Variants in CA5B observed in about 807,000 individuals in gnomAD.
CA5B encodes the protein carbonic anhydrase 5B.
In CA5B, 15 loss-of-function variants were observed where a neutral mutation model predicts 23.1. The ratio of observed to expected loss-of-function variants is 0.65; its 90% CI spans 0.43 to 1.00. The LOEUF is 1.00. CA5B is among the 50% of genes least tolerant of loss of function. The probability of loss-of-function intolerance (pLI) is 0.00; values close to 1 mark genes in which losing one functional copy is unlikely to be tolerated. For synonymous variants in CA5B, 84 were observed against 98.5 expected, an observed-to-expected ratio of 0.85 and a Z score of 0.87; for missense variants, 236 against 252.2, an observed-to-expected ratio of 0.94 and a Z score of 0.43.
intron 1 of CA5B, among the ~76,000 whole-genome samples, chrX:15,743,024 T>A (rs1003752932): frequency 3.6e-5 from 4 of 112,398 alleles, no homozygotes; most frequent in Non-Finnish European, 7.5e-5. Flanking sequence ...ACCCTTGCAG[T>A]AGCCCAGAAG....
intron 7 of CA5B, among the ~76,000 whole-genome samples, chrX:15,780,276 C>CGTT (rs200239908): frequency 3.5e-5 from 3 of 86,641 alleles, no homozygotes; most frequent in Non-Finnish European, 6.8e-5. Context: ...ATGCCTGGAA[C>CGTT]ATTTTTTTTT....
chrX:15,755,999 T>C (rs1931479963), intron 2 of CA5B, among the ~76,000 whole-genome samples: 1 of 112,045 alleles, frequency 8.9e-6, no homozygotes, highest in Non-Finnish European at 1.9e-5. Context: ...TACATTTATA[T>C]AGTACATCTC....
intron 1 of CA5B, among the ~76,000 whole-genome samples, chrX:15,747,216 T>C (rs1931253098): frequency 8.9e-6 from 1 of 111,927 alleles, no homozygotes; most frequent in Non-Finnish European, 1.9e-5. Context: ...ATTTCCTCAG[T>C]TATAATTTTG....
intron 1 of CA5B, among the ~76,000 whole-genome samples, chrX:15,744,710 G>A (rs1212864247): frequency 9.0e-6 from 1 of 110,697 alleles, no homozygotes; most frequent in African/African-American, 3.3e-5. Flanking sequence ...TCATCATCGC[G>A]GAAGGTTCCC....
chrX:15,753,824 A>G (rs1013339440), intron 2 of CA5B, among the ~76,000 whole-genome samples: 1 of 112,248 alleles, frequency 8.9e-6, no homozygotes, highest in African/African-American at 3.2e-5. Flanking sequence ...CAAAAGAATC[A>G]CTTGAACCCA....
Position 15,772,552 on chromosome X carries a change from T to TG in CA5B, c.403dup (p.Ala135GlyfsTer8), listed in dbSNP as rs1438511390. Reference sequence around the variant, plus strand: ...CCGATTGAAGCAGTTCCATTTTCACTGGGGGGCCATCGATGCCTGGGGTTC... The same window carrying TG: ...CCGATTGAAGCAGTTCCATTTTCACTGGGGGGGCCATCGATGCCTGGGGTTC... On this transcript the variant is annotated frameshift_variant, in exon 4 of 8. Coordinates refer to ENST00000318636, the MANE Select transcript of CA5B (RefSeq NM_007220.4). LOFTEE classifies it high-confidence loss of function. The TG allele has an allele frequency of 6.6e-6, 8 of 1,207,422 alleles. No homozygotes were observed. Among genetic ancestry groups the TG allele is most frequent in the Admixed American group, 4.4e-5 (2 of 45,592 alleles).
chrX:15,780,499 C>T (rs1932003101), intron 7 of CA5B, among the ~76,000 whole-genome samples: 1 of 110,989 alleles, frequency 9.0e-6, no homozygotes, highest in South Asian at 3.8e-4. Context: ...GTCTCGAACT[C>T]CTGACCTCGT....
intron 1 of CA5B, 43 bp from the exon 2 acceptor site, chrX:15,749,928 T>A: frequency 9.7e-7 from 1 of 1,029,200 alleles, no homozygotes; most frequent in Non-Finnish European, 1.3e-6. Flanking sequence ...ATCTTAAGTT[T>A]CTGTTGTTTA....
At position 15,785,549 on chromosome X, in the gene CA5B, G is replaced by A. The variant is rs969820508; in HGVS notation, c.*2885G>A. ...GGGAGAGGGTGAATTTGTATTTAGT[G>A]GGTACAGAGCTTGTGTTGCAAGAAT... On this transcript the variant is annotated 3_prime_UTR_variant, in exon 8 of 8. Coordinates refer to ENST00000318636, the MANE Select transcript of CA5B (RefSeq NM_007220.4). 17 of 112,290 alleles carry A rather than the reference G, an allele frequency of 1.5e-4. No homozygotes were observed. The highest frequency in any genetic ancestry group is 5.5e-4 in the African/African-American group (17 of 31,009). The allele number at this position is 112,290 out of a possible 1,213,427, so 9.3% of individuals were successfully genotyped here. A position where few individuals can be genotyped will look rare whatever the true frequency, so the allele number is the denominator to read the frequency against.
chrX:15,759,734 C>CT lies in CA5B; in HGVS notation c.143-4812dup, dbSNP rs56915078. Among the ~76,000 whole-genome samples the CT allele has an allele frequency of 4.3e-4, 16 of 37,415 alleles. 1 individual carries two copies. Among genetic ancestry groups the CT allele is most frequent in the Non-Finnish European group, 6.0e-4 (14 of 23,461 alleles). The allele number at this position is 37,415 out of a possible 115,157, so 32.5% of individuals were successfully genotyped here. ...CCCATCAGCTAGAAATTACTGACACCTTTTTTTTTTTTTTTTTTTTTTTTT... is the reference window on the plus strand; with the variant it reads ...CCCATCAGCTAGAAATTACTGACACCTTTTTTTTTTTTTTTTTTTTTTTTTT... On this transcript the variant is annotated intron_variant, in intron 2 of 7. Transcript: ENST00000318636.
At chrX:15,752,463 C>G (rs939627239) in intron 2 of CA5B, among the ~76,000 whole-genome samples, 1 of 112,212 alleles carries the variant, frequency 8.9e-6, no homozygotes, top group African/African-American at 3.2e-5. Context: ...CGATGGCTTA[C>G]GCCTGTAATC....
chrX:15,784,277 A>G lies in CA5B; in HGVS notation c.*1613A>G, dbSNP rs1932077037. ...TTATTTGCACGCTGTTACATAGTAT[A>G]TAATGATAATGTTTTCTACAGTGAA... On this transcript the variant is annotated 3_prime_UTR_variant, in exon 8 of 8. Coordinates refer to ENST00000318636, the MANE Select transcript of CA5B (RefSeq NM_007220.4). The G allele has an allele frequency of 1.8e-5, 2 of 112,756 alleles. No homozygotes were observed. Among genetic ancestry groups the G allele is most frequent in the South Asian group, 7.2e-4 (2 of 2,768 alleles). The allele number at this position is 112,756 out of a possible 1,213,427, so 9.3% of individuals were successfully genotyped here.
Position 15,768,245 on chromosome X carries a change from T to C in CA5B, c.340+3470T>C, listed in dbSNP as rs1032251088. On this transcript the variant is annotated intron_variant, in intron 3 of 7. Coordinates refer to ENST00000318636, the MANE Select transcript of CA5B (RefSeq NM_007220.4). ...TAGAGATGGGGTTCCTGAGATCAAG[T>C]GATCCTCCCACCTCGGCCTCCCAAA... 1.4e-4 allele frequency among the ~76,000 whole-genome samples: 15 copies of C among 110,964 alleles called. No individual in the cohort carries two copies. The Admixed American group carries it at 1.4e-3, about 11-fold the overall frequency.
chrX:15,764,915 ATGTGTG>A lies in CA5B; in HGVS notation c.340+141_340+146del. 6 of 1,008,617 alleles carry A rather than the reference ATGTGTG, an allele frequency of 5.9e-6. No homozygotes were observed. In the Admixed American group the frequency reaches 1.0e-4, roughly 17 times the overall value. 83.1% of individuals were successfully genotyped at this position (1,008,617 alleles called of 1,213,427 possible). ...GAACTCATTGATCTTAACTTTTTGA[ATGTGTG>A]AAAAAAAATTCCTTCTAGTTTTTAT... is the stretch of plus-strand genomic sequence containing the variant. On this transcript the variant is annotated intron_variant, in intron 3 of 7. Transcript: ENST00000318636.
chrX:15,746,022 CTTTTTTTTTTTTTTT>C (rs11304971), intron 1 of CA5B, among the ~76,000 whole-genome samples: 1 of 53,405 alleles, frequency 1.9e-5, no homozygotes, highest in East Asian at 5.1e-4. Flanking sequence ...GCGTCAACTT[CTTTTTTTTTTTTTTT>C]TTTTTTTTTT....
chrX:15,766,819 G>T, intron 3 of CA5B: 1 of 267,127 alleles, frequency 3.7e-6, no homozygotes. Flanking sequence ...GTTTAGTTTT[G>T]TTTTGTTACA....
At chrX:15,746,581 G>A (rs960064548) in intron 1 of CA5B, among the ~76,000 whole-genome samples, 1 of 111,609 alleles carries the variant, frequency 9.0e-6, no homozygotes, top group Middle Eastern at 4.2e-3. Context: ...CCAAGACAGG[G>A]GAATTGCAAT....
At chrX:15,780,910 A>G (rs981831360) in intron 7 of CA5B, among the ~76,000 whole-genome samples, 9 of 111,689 alleles carry the variant, frequency 8.1e-5, no homozygotes, top group Non-Finnish European at 1.5e-4. Flanking sequence ...CAGTTGTTAC[A>G]ATGAGGCAGA....
chrX:15,774,627 A>C (rs1236578163), intron 5 of CA5B, among the ~76,000 whole-genome samples: 3 of 111,295 alleles, frequency 2.7e-5, no homozygotes, highest in African/African-American at 9.8e-5. Flanking sequence ...TGAGGTCAGG[A>C]GTTCGAGACC....
Sources: allele counts gnomAD v4.1 joint callset (sites outside exome capture counted in the v4.1 genomes callset), GRCh38; gene constraint gnomAD v4.1.1; transcripts MANE v1.5; gene names NCBI Gene and HGNC (gene_info 2026-07-23, HGNC 2026-07-21).